Variants in AREL1 observed in about 807,000 individuals in gnomAD.
AREL1 encodes apoptosis-resistant E3 ubiquitin protein ligase 1.
In AREL1, 62 loss-of-function variants were observed where a neutral mutation model predicts 99.0. The observed-to-expected ratio is 0.63, with a 90% confidence interval of 0.51 to 0.77. The LOEUF (loss-of-function observed/expected upper bound fraction) is 0.77, where lower values mean the gene tolerates loss of function less well. Among genes scored for constraint, AREL1 ranks in the 30% least tolerant of loss-of-function variants. The pLI is 0.00. For synonymous variants in AREL1, 380 were observed against 376.5 expected (o/e 1.01, Z -0.11); for missense variants, 879 against 1,027.6 (o/e 0.86, Z 1.98).
chr14:74,674,569 T>A (rs1024445362), intron 8 of AREL1, among the ~76,000 whole-genome samples: 1 of 152,060 alleles, frequency 6.6e-6, no homozygotes, highest in Non-Finnish European at 1.5e-5. Context: ...ACCATGGCAC[T>A]CCAGCATGGG....
intron 2 of AREL1, among the ~76,000 whole-genome samples, chr14:74,691,472 G>A (rs1001046733): frequency 6.6e-6 from 1 of 151,908 alleles, no homozygotes; most frequent in African/African-American, 2.4e-5. Context: ...GTAAAACAAA[G>A]TATGAGAAAA....
chr14:74,666,104 T>A (rs959848638), intron 17 of AREL1, among the ~76,000 whole-genome samples: 2 of 152,214 alleles, frequency 1.3e-5, no homozygotes, highest in Admixed American at 1.3e-4. Flanking sequence ...TCTGAAGATA[T>A]AAAACATGAA....
intron 11 of AREL1, 33 bp downstream of exon 11, chr14:74,672,798 G>A (rs1278872078): frequency 6.2e-7 from 1 of 1,612,566 alleles, no homozygotes. Flanking sequence ...GGAAAACTTT[G>A]GTATCTGCTG....
intron 5 of AREL1, among the ~76,000 whole-genome samples, chr14:74,680,661 ATAGT>A (rs1266523397): frequency 6.6e-6 from 1 of 152,256 alleles, no homozygotes; most frequent in Non-Finnish European, 1.5e-5. Context: ...TAACAGATGA[ATAGT>A]TAAACAAACT....
intron 2 of AREL1, among the ~76,000 whole-genome samples, chr14:74,686,605 G>A (rs899414578): frequency 1.3e-5 from 2 of 152,128 alleles, no homozygotes; most frequent in African/African-American, 4.8e-5. Context: ...AGAATATTAC[G>A]TAGAGACAAG....
At chr14:74,695,005 AAAAAG>A (rs2089955691) in intron 1 of AREL1, among the ~76,000 whole-genome samples, 1 of 150,878 alleles carries the variant, frequency 6.6e-6, no homozygotes, top group Non-Finnish European at 1.5e-5. Flanking sequence ...AAAAAAAAAA[AAAAAG>A]AAAGAAAGAA....
chr14:74,672,814 G>A lies in AREL1; in HGVS notation c.1422+17C>T, dbSNP rs1566682221. 6.2e-7 allele frequency: 1 copy of A among 1,614,008 alleles called. No individual in the cohort carries two copies. Among genetic ancestry groups the A allele is most frequent in the Middle Eastern group, 1.7e-4 (1 of 6,060 alleles). ...GAAAACTTTGGTATCTGCTGACAGAGATGAAATTTTACCTACCGATTCCAA... is the reference window on the plus strand; with the variant it reads ...GAAAACTTTGGTATCTGCTGACAGAAATGAAATTTTACCTACCGATTCCAA... On this transcript the variant is annotated intron_variant, in intron 11 of 19. Coordinates refer to ENST00000356357, the MANE Select transcript of AREL1 (RefSeq NM_001039479.2).
At chr14:74,674,458 T>A (rs138712666) in intron 8 of AREL1, among the ~76,000 whole-genome samples, 1 of 152,042 alleles carries the variant, frequency 6.6e-6, no homozygotes, top group African/African-American at 2.4e-5. Context: ...AAAAATTAGC[T>A]GGGTGCGGTA....
intron 13 of AREL1, 47 bp downstream of exon 13, chr14:74,670,715 C>G: frequency 6.6e-7 from 1 of 1,524,388 alleles, no homozygotes. Flanking sequence ...GTTAGTCTAC[C>G]CATGATAACA....
intron 15 of AREL1, among the ~76,000 whole-genome samples, chr14:74,668,955 G>A (rs2089268688): frequency 6.6e-6 from 1 of 152,110 alleles, no homozygotes; most frequent in South Asian, 2.1e-4. Context: ...ACAGCTTACT[G>A]CAGCCTTAAC....
In AREL1 at chr14:74,670,045, A is replaced by G; in HGVS notation, c.1690T>C (p.Tyr564His). The change falls in exon 14 of 20, where the codon TAT becomes CAT. Residue 564 changes from tyrosine to histidine, a missense_variant. Tyr to His is a moderately conservative substitution (Grantham distance 83, BLOSUM62 2). Transcript: ENST00000356357. ...FAGRLVGKCL[Y>H]ESSLGGAYKQ... is the part of the protein sequence containing the mutation. ...TAGGCTCCTCCTAGAGAGGACTCATAGAGACACTTGCCCACGAGCCGTCCC... is the reference window on the plus strand; with the variant it reads ...TAGGCTCCTCCTAGAGAGGACTCATGGAGACACTTGCCCACGAGCCGTCCC... 1 of 1,614,148 alleles carries G rather than the reference A, an allele frequency of 6.2e-7. No homozygotes were observed. The highest frequency in any genetic ancestry group is 8.5e-7 in the Non-Finnish European group (1 of 1,179,994).
In AREL1 at chr14:74,663,345, G is replaced by A. The variant is rs555261868; in HGVS notation, c.*375C>T. On this transcript the variant is annotated 3_prime_UTR_variant, in exon 20 of 20. Transcript: ENST00000356357. The stretch of plus-strand genomic sequence containing the variant: ...GGTGTCTCCAAGGAGTATCAGCAGA[G>A]GGAGTTTTGGAGCACAGTGTGGATT... 3.4e-6 allele frequency: 1 copy of A among 292,758 alleles called. No homozygotes were observed. Among genetic ancestry groups the A allele is most frequent in the East Asian group, 7.7e-5 (1 of 12,914 alleles). 18.1% of individuals were successfully genotyped at this position (292,758 alleles called of 1,614,324 possible). A position where few individuals can be genotyped will look rare whatever the true frequency, so the allele number is the denominator to read the frequency against.
chr14:74,712,985 G>A lies in AREL1; in HGVS notation c.-386C>T, dbSNP rs760810949. 6 of 771,252 alleles carry A rather than the reference G, an allele frequency of 7.8e-6. No individual in the cohort carries two copies. In the South Asian group the frequency reaches 8.7e-5, roughly 11 times the overall value. 47.8% of individuals were successfully genotyped at this position (771,252 alleles called of 1,614,324 possible). On this transcript the variant is annotated 5_prime_UTR_variant, in exon 1 of 20. Coordinates refer to ENST00000356357, the MANE Select transcript of AREL1 (RefSeq NM_001039479.2). ...GTTCCACCTCCGCTGTCCTGGGAAG[G>A]GGCGGCAGCACTCAGCAGAAGACGG...
chr14:74,682,709 C>T (rs1189155629), intron 5 of AREL1, among the ~76,000 whole-genome samples: 1 of 152,126 alleles, frequency 6.6e-6, no homozygotes, highest in Non-Finnish European at 1.5e-5. Flanking sequence ...TGGTCCCCTC[C>T]TCATGGTAAT....
chr14:74,680,199 AAGAAAAGAAAAGAAAAG>A (rs913780395), intron 5 of AREL1, among the ~76,000 whole-genome samples: 8 of 151,838 alleles, frequency 5.3e-5, no homozygotes, highest in South Asian at 2.1e-4. Context: ...AAAAGAAAGA[AAGAAAAGAAAAGAAAAG>A]AGAAAAGAAA....
At chr14:74,695,124 T>A (rs1002974025) in intron 1 of AREL1, among the ~76,000 whole-genome samples, 4 of 146,698 alleles carry the variant, frequency 2.7e-5, no homozygotes, top group African/African-American at 5.1e-5. Flanking sequence ...CAGGCTGGAG[T>A]GCACTGGCAT....
At chr14:74,682,057 T>G (rs1167197308) in intron 5 of AREL1, among the ~76,000 whole-genome samples, 1 of 152,216 alleles carries the variant, frequency 6.6e-6, no homozygotes, top group African/African-American at 2.4e-5. Context: ...CTGGTACATG[T>G]AAGGGTATGA....
rs559436402 is a variant in AREL1, at chr14:74,713,022, T to G, written c.-423A>C. 9.4e-7 allele frequency: 1 copy of G among 1,061,990 alleles called. No individual in the cohort carries two copies. Among genetic ancestry groups the G allele is most frequent in the Non-Finnish European group, 1.4e-6 (1 of 690,190 alleles). The allele number at this position is 1,061,990 out of a possible 1,614,324, so 65.8% of individuals were successfully genotyped here. ...TCAGCAGAAGACGGGCTCCCCACTCTCCCACCAACAGACCCCAGAGTTGGT... is the reference window on the plus strand; with the variant it reads ...TCAGCAGAAGACGGGCTCCCCACTCGCCCACCAACAGACCCCAGAGTTGGT... On this transcript the variant is annotated 5_prime_UTR_variant, in exon 1 of 20. Coordinates refer to ENST00000356357, the MANE Select transcript of AREL1 (RefSeq NM_001039479.2).
At position 74,674,055 on chromosome 14, in the gene AREL1, G is replaced by A; in HGVS notation, c.1137C>T (p.Phe379=). The change falls in exon 9 of 20, where the codon TTC becomes TTT. Residue 379 remains phenylalanine (F), a synonymous_variant. Coordinates refer to ENST00000356357, the MANE Select transcript of AREL1 (RefSeq NM_001039479.2). Reference sequence around the variant, plus strand: ...TTACTTTTGTTCCTGGACACACTCGGAAGGTGTAAAGGCGCCAGGGGATGA... The same window carrying A: ...TTACTTTTGTTCCTGGACACACTCGAAAGGTGTAAAGGCGCCAGGGGATGA... ...LKIIPWRLYT[F]RVCPGTKFSY... is the part of the protein sequence containing the mutation. 1 of 1,613,684 alleles carries A rather than the reference G, an allele frequency of 6.2e-7. No individual in the cohort carries two copies. The highest frequency in any genetic ancestry group is 2.2e-5 in the East Asian group (1 of 44,872).
Sources: gnomAD v4.1 joint callset for allele counts (sites outside exome capture counted in the v4.1 genomes callset) on GRCh38, gnomAD v4.1.1 for gene constraint, MANE v1.5 for transcripts, NCBI Gene and HGNC (gene_info 2026-07-23, HGNC 2026-07-21) for gene names.